The following NALF2 variants were observed in gnomAD, a reference collection of about 807,000 sequenced individuals.
NALF2 encodes NALCN channel auxiliary factor 2.
A neutral mutation model predicts 24.8 loss-of-function variants in NALF2; 1 was observed. That is an observed-to-expected ratio of 0.04 (90% CI 0.01 to 0.19). The LOEUF (loss-of-function observed/expected upper bound fraction) is 0.19. Ranked by LOEUF, NALF2 falls within the 10% of genes least tolerant of loss-of-function variation. The pLI is 1.00. For synonymous variants in NALF2, 254 were observed against 189.8 expected, an observed-to-expected ratio of 1.34 and a Z score of -2.78; for missense variants, 458 against 409.6, an observed-to-expected ratio of 1.12 and a Z score of -1.02.
In NALF2 at chrX:69,529,845, T is replaced by C. The variant is rs977498846; in HGVS notation, c.1308T>C (p.Leu436=). 5.0e-6 allele frequency: 6 copies of C among 1,211,481 alleles called. No homozygotes were observed. The highest frequency in any genetic ancestry group is 6.7e-6 in the Non-Finnish European group (6 of 895,248). ...CTAGCAGGATCCGGCTCTGCGTCCT[T>C]GTTCTCATGCTCCTCCATACCGTGG... ...LSPSRIRLCV[L]VLMLLHTVVS... is the part of the protein sequence containing the mutation. The change falls in exon 3 of 3, where the codon CTT becomes CTC. Residue 436 remains leucine, a synonymous_variant. Transcript: ENST00000252338.
At chrX:69,527,714 G>A (rs1930827453) in intron 1 of NALF2, among the ~76,000 whole-genome samples, 1 of 112,071 alleles carries the variant, frequency 8.9e-6, no homozygotes, top group African/African-American at 3.3e-5. Context: ...TAAAGATACA[G>A]GACTGGATGT....
intron 1 of NALF2, among the ~76,000 whole-genome samples, chrX:69,524,381 C>T (rs960374121): frequency 2.7e-5 from 3 of 111,297 alleles, no homozygotes; most frequent in African/African-American, 9.8e-5. Context: ...CATGAGCCAC[C>T]GCATCCAGCC....
rs1239457825 is a variant in NALF2 at position 69,506,008 on chromosome X, G to A, written c.726G>A (p.Ala242=). The change falls in exon 1 of 3, where the codon GCG becomes GCA. Residue 242 remains alanine (A), a synonymous_variant. Transcript: ENST00000252338. ...VASPGSGAWE[A]CSNCIEAYQR... ...GCCCGGGCTCCGGGGCCTGGGAGGCGTGTAGCAACTGTATCGAGGCGTACC... is the reference window on the plus strand; with the variant it reads ...GCCCGGGCTCCGGGGCCTGGGAGGCATGTAGCAACTGTATCGAGGCGTACC... 3 of 1,209,876 alleles carry A rather than the reference G, an allele frequency of 2.5e-6. No homozygotes were observed. Among genetic ancestry groups the A allele is most frequent in the East Asian group, 5.9e-5 (2 of 33,720 alleles).
At chrX:69,527,453 T>G (rs1458355208) in intron 1 of NALF2, among the ~76,000 whole-genome samples, 3 of 111,413 alleles carry the variant, frequency 2.7e-5, no homozygotes. Flanking sequence ...GTGAAAATGT[T>G]TGAAGTAAGT....
At chrX:69,511,538 C>T (rs1343627170) in intron 1 of NALF2, among the ~76,000 whole-genome samples, 5 of 111,920 alleles carry the variant, frequency 4.5e-5, no homozygotes, top group Non-Finnish European at 9.4e-5. Flanking sequence ...ACACATCCCC[C>T]GGTCTTCTTC....
chrX:69,516,440 A>G lies in NALF2; in HGVS notation c.861+10297A>G, dbSNP rs745707099. ...TGAAGCCAGCTCTAACTCTCTATCT[A>G]ACTGGAGCAGGGGCTTCTCGATGAA... On this transcript the variant is annotated intron_variant, in intron 1 of 2. Transcript: ENST00000252338. Among the ~76,000 whole-genome samples the G allele has an allele frequency of 6.2e-5, 7 of 112,051 alleles. No homozygotes were observed. The East Asian group carries it at 2.0e-3, about 32-fold the overall frequency.
rs199640674 is a variant in NALF2, at chrX:69,505,924, C to G, written c.642C>G (p.Pro214=). ...ACTTGCTGCTGGGCATGGACCGCCC[C>G]GACAGCCTGGACTGTAGCCTGGACA... is the stretch of plus-strand genomic sequence containing the variant. ...VWDLLLGMDR[P]DSLDCSLDTL... is the part of the protein sequence containing the mutation. Residue 214 remains proline (P), a synonymous_variant, in exon 1 of 3, where the codon CCC becomes CCG. Coordinates refer to ENST00000252338, the MANE Select transcript of NALF2 (RefSeq NM_015686.3). 6 of 1,210,023 alleles carry G rather than the reference C, an allele frequency of 5.0e-6. No homozygotes were observed. The highest frequency in any genetic ancestry group is 1.8e-5 in the South Asian group (1 of 56,802).
At position 69,504,335 on chromosome X, in the gene NALF2, C is replaced by T. The variant is rs1210261688; in HGVS notation, c.-948C>T. ...AGGCGCAGTCGGGGCACCAGTCCCG[C>T]TCCCTCCTCCTCTCCGTGCCTCTTT... On this transcript the variant is annotated 5_prime_UTR_variant, in exon 1 of 3. Transcript: ENST00000252338. Among the ~76,000 whole-genome samples the T allele has an allele frequency of 8.9e-6, 1 of 112,513 alleles. No homozygotes were observed. Among genetic ancestry groups the T allele is most frequent in the Non-Finnish European group, 1.9e-5 (1 of 53,106 alleles).
chrX:69,525,068 C>T (rs1179603383), intron 1 of NALF2, among the ~76,000 whole-genome samples: 1 of 111,703 alleles, frequency 9.0e-6, no homozygotes, highest in Non-Finnish European at 1.9e-5. Flanking sequence ...TGTCAGGCCA[C>T]CCCTCCCCCT....
intron 1 of NALF2, among the ~76,000 whole-genome samples, chrX:69,517,568 T>C (rs1038200332): frequency 3.6e-5 from 4 of 112,382 alleles, no homozygotes; most frequent in African/African-American, 1.3e-4. Flanking sequence ...TTAATCCAAA[T>C]GACTGCTTAA....
intron 1 of NALF2, among the ~76,000 whole-genome samples, chrX:69,513,774 A>G (rs988699128): frequency 9.0e-6 from 1 of 111,349 alleles, no homozygotes; most frequent in Non-Finnish European, 1.9e-5. Flanking sequence ...AAAATATACC[A>G]TTTCAACTAT....
At chrX:69,508,735 C>G (rs1258005902) in intron 1 of NALF2, among the ~76,000 whole-genome samples, 1 of 112,040 alleles carries the variant, frequency 8.9e-6, no homozygotes. Context: ...GCAGGCCTTA[C>G]TTGCCATTCC....
In NALF2 at chrX:69,530,978, C is replaced by G. The variant is rs190645714; in HGVS notation, c.*1022C>G. The G allele has an allele frequency of 8.9e-6, 1 of 112,947 alleles. No homozygotes were observed. The highest frequency in any genetic ancestry group is 1.9e-5 in the Non-Finnish European group (1 of 53,232). The allele number at this position is 112,947 out of a possible 1,213,427, so 9.3% of individuals were successfully genotyped here. On this transcript the variant is annotated 3_prime_UTR_variant, in exon 3 of 3. Coordinates refer to ENST00000252338, the MANE Select transcript of NALF2 (RefSeq NM_015686.3). ...CTCCATGGGGAGGAGGGACTTAAGC[C>G]CAAGTGGGTCAGGCCTGGCCCAGGT...
intron 1 of NALF2, among the ~76,000 whole-genome samples, chrX:69,509,405 C>G (rs1188863288): frequency 9.1e-6 from 1 of 110,455 alleles, no homozygotes; most frequent in African/African-American, 3.3e-5. Context: ...TTCCTACTCT[C>G]TCTTCAGAAC....
At position 69,530,130 on chromosome X, in the gene NALF2, T is replaced by C; in HGVS notation, c.*174T>C. ...CACCCCAAAAGCAGCTCCAACAGAATGGCCAGAGGGCCTCAGGGAGCTGCA... is the reference window on the plus strand; with the variant it reads ...CACCCCAAAAGCAGCTCCAACAGAACGGCCAGAGGGCCTCAGGGAGCTGCA... On this transcript the variant is annotated 3_prime_UTR_variant, in exon 3 of 3. Coordinates refer to ENST00000252338, the MANE Select transcript of NALF2 (RefSeq NM_015686.3). 1 of 413,534 alleles carries C rather than the reference T, an allele frequency of 2.4e-6. No homozygotes were observed. The highest frequency in any genetic ancestry group is 4.0e-5 in the East Asian group (1 of 25,248). The allele number at this position is 413,534 out of a possible 1,213,427, so 34.1% of individuals were successfully genotyped here. A position where few individuals can be genotyped will look rare whatever the true frequency, so the allele number is the denominator to read the frequency against.
chrX:69,524,871 G>C (rs1930783917), intron 1 of NALF2, among the ~76,000 whole-genome samples: 1 of 111,854 alleles, frequency 8.9e-6, no homozygotes, highest in Non-Finnish European at 1.9e-5. Context: ...TTACCTCTGA[G>C]CCCCACATCA....
Position 69,504,344 on chromosome X carries a change from C to T in NALF2, c.-939C>T, listed in dbSNP as rs918695331. Among the ~76,000 whole-genome samples the T allele has an allele frequency of 8.9e-6, 1 of 112,628 alleles. No individual in the cohort carries two copies. The highest frequency in any genetic ancestry group is 1.9e-5 in the Non-Finnish European group (1 of 53,129). On this transcript the variant is annotated 5_prime_UTR_variant, in exon 1 of 3. Transcript: ENST00000252338. ...CGGGGCACCAGTCCCGCTCCCTCCT[C>T]CTCTCCGTGCCTCTTTCTCCGCCCT...
At position 69,505,406 on chromosome X, in the gene NALF2, C is replaced by G. The variant is rs1930447156; in HGVS notation, c.124C>G (p.Arg42Gly). Residue 42 changes from arginine (R) to glycine (G), a missense_variant, in exon 1 of 3, where the codon CGA becomes GGA. Coordinates refer to ENST00000252338, the MANE Select transcript of NALF2 (RefSeq NM_015686.3). ...KPCADSERAQ[R>G]WRLSLASLLF... ...TTGCGCCGACTCCGAGCGGGCGCAGCGATGGCGACTGTCCCTGGCGTCCCT... is the reference window on the plus strand; with the variant it reads ...TTGCGCCGACTCCGAGCGGGCGCAGGGATGGCGACTGTCCCTGGCGTCCCT... 3.5e-6 allele frequency: 4 copies of G among 1,155,455 alleles called. No homozygotes were observed. The highest frequency in any genetic ancestry group is 3.9e-5 in the South Asian group (2 of 51,481).
chrX:69,515,212 C>A (rs184753451), intron 1 of NALF2, among the ~76,000 whole-genome samples: 31 of 112,021 alleles, frequency 2.8e-4, no homozygotes, highest in Non-Finnish European at 5.8e-4. Flanking sequence ...TAATGTTCCT[C>A]CTATTAGCTC....
Sources: gnomAD v4.1 joint callset for allele counts (sites outside exome capture counted in the v4.1 genomes callset) on GRCh38, gnomAD v4.1.1 for gene constraint, MANE v1.5 for transcripts, NCBI Gene and HGNC (gene_info 2026-07-23, HGNC 2026-07-21) for gene names.